Variants in SHANK2 observed in about 807,000 individuals in gnomAD.
SHANK2 encodes SH3 and multiple ankyrin repeat domains 2.
A neutral mutation model predicts 133.7 loss-of-function variants in SHANK2; 43 were observed. That is an observed-to-expected ratio of 0.32 (90% CI 0.25 to 0.41). The LOEUF (loss-of-function observed/expected upper bound fraction) is 0.41. SHANK2 is among the 10% of genes least tolerant of loss of function. The probability of loss-of-function intolerance (pLI) is 1.00; values close to 1 mark genes in which losing one functional copy is unlikely to be tolerated. For synonymous variants in SHANK2, 1,017 were observed against 952.8 expected (o/e 1.07, Z -1.24); for missense variants, 1,994 against 2,235.8 (o/e 0.89, Z 2.18).
At chr11:70,474,371 C>T (rs1555149649) in intron 25 of SHANK2, 5 of 152,280 alleles carry the variant, frequency 3.3e-5, no homozygotes, top group Non-Finnish European at 1.5e-5. Context: ...GCAAAGCCCT[C>T]AGAGCTCAAG....
At chr11:70,714,611 G>A (rs960787871) in intron 14 of SHANK2, among the ~76,000 whole-genome samples, 3 of 152,080 alleles carry the variant, frequency 2.0e-5, no homozygotes, top group African/African-American at 4.8e-5. Flanking sequence ...GAGAGGACTC[G>A]ACCCAGGAGA....
chr11:71,168,209 CCCA>C (rs1203513484), intron 2 of SHANK2, among the ~76,000 whole-genome samples: 1 of 134,396 alleles, frequency 7.4e-6, no homozygotes, highest in African/African-American at 3.0e-5. Flanking sequence ...AGAGGTGCTC[CCCA>C]CATCTCAGAC....
intron 10 of SHANK2, among the ~76,000 whole-genome samples, chr11:70,914,492 C>T (rs542514270): frequency 6.6e-6 from 1 of 151,772 alleles, no homozygotes; most frequent in South Asian, 2.1e-4. Context: ...AAAAACACAA[C>T]GCCCTTGCAA....
At chr11:70,740,698 A>G (rs1946504992) in intron 14 of SHANK2, among the ~76,000 whole-genome samples, 2 of 152,106 alleles carry the variant, frequency 1.3e-5, no homozygotes, top group Admixed American at 1.3e-4. Context: ...AAGCAGTTTA[A>G]CTGGGAGTGC....
intron 17 of SHANK2, among the ~76,000 whole-genome samples, chr11:70,656,094 C>T (rs1171546175): frequency 6.6e-6 from 1 of 152,220 alleles, no homozygotes; most frequent in Admixed American, 6.5e-5. Flanking sequence ...CCACATCCTC[C>T]TTAGCACATG....
chr11:70,594,806 G>A (rs890950436), intron 17 of SHANK2, among the ~76,000 whole-genome samples: 7 of 152,168 alleles, frequency 4.6e-5, no homozygotes, highest in Admixed American at 2.6e-4. Flanking sequence ...CAGTGGCTGC[G>A]TCTGCCCTTT....
At chr11:70,876,104 C>G (rs1458108738) in intron 11 of SHANK2, among the ~76,000 whole-genome samples, 1 of 150,524 alleles carries the variant, frequency 6.6e-6, no homozygotes, top group Non-Finnish European at 1.5e-5. Flanking sequence ...TGCAGTGAGC[C>G]GAGATCACAC....
At chr11:70,848,785 C>G (rs529710731) in intron 11 of SHANK2, among the ~76,000 whole-genome samples, 2 of 152,316 alleles carry the variant, frequency 1.3e-5, no homozygotes, top group Admixed American at 1.3e-4. Context: ...AAGCCACCCT[C>G]AACTGTGCAG....
intron 15 of SHANK2, among the ~76,000 whole-genome samples, chr11:70,682,692 C>T (rs782549321): frequency 3.9e-5 from 6 of 152,104 alleles, no homozygotes; most frequent in African/African-American, 1.2e-4. Context: ...AGGAAGTTTC[C>T]GGTTTGCCCA....
At chr11:71,160,218 G>A (rs1952986506) in intron 2 of SHANK2, among the ~76,000 whole-genome samples, 1 of 152,208 alleles carries the variant, frequency 6.6e-6, no homozygotes, top group African/African-American at 2.4e-5. Context: ...GGAAGGGAAT[G>A]CAAAGTGGGA....
intron 17 of SHANK2, among the ~76,000 whole-genome samples, chr11:70,558,501 A>T (rs880001877): frequency 6.6e-6 from 1 of 152,218 alleles, no homozygotes; most frequent in Non-Finnish European, 1.5e-5. Context: ...CCAAGCCTGG[A>T]TCTGCCAGCT....
rs530927596 is a variant in SHANK2, at chr11:70,797,645, G to C, written c.1777+798C>G. Among the ~76,000 whole-genome samples the C allele has an allele frequency of 2.0e-5, 3 of 152,200 alleles. No individual in the cohort carries two copies. In the South Asian group the frequency reaches 6.2e-4, roughly 31 times the overall value. On this transcript the variant is annotated intron_variant, in intron 14 of 25. Transcript: ENST00000601538. ...ACCTCAAAAACAGGGCAATGGGCCC[G>C]TTTGGACAGAGCTCAGAGGCGGCAG...
chr11:71,124,902 A>G (rs1317332497), intron 3 of SHANK2, among the ~76,000 whole-genome samples: 7 of 152,344 alleles, frequency 4.6e-5, no homozygotes, highest in African/African-American at 1.7e-4. Context: ...CGCTCACTTC[A>G]TATCTCTGTG....
intron 2 of SHANK2, among the ~76,000 whole-genome samples, chr11:71,216,872 T>C (rs961417619): frequency 6.6e-6 from 1 of 152,220 alleles, no homozygotes; most frequent in Non-Finnish European, 1.5e-5. Context: ...GCATTTACTA[T>C]ATTTTTTAGA....
chr11:71,130,228 G>A (rs1444352349), intron 3 of SHANK2, among the ~76,000 whole-genome samples: 1 of 152,218 alleles, frequency 6.6e-6, no homozygotes, highest in African/African-American at 2.4e-5. Flanking sequence ...GAATGACCAT[G>A]GGGCGAGTCT....
intron 17 of SHANK2, among the ~76,000 whole-genome samples, chr11:70,518,970 C>T (rs2059298356): frequency 3.9e-5 from 6 of 152,210 alleles, no homozygotes; most frequent in Admixed American, 3.3e-4. Context: ...AGTGCAGCGG[C>T]ATGATCTTAG....
chr11:70,645,198 GA>G lies in SHANK2; in HGVS notation c.2061+14629del, dbSNP rs1347315323. Among the ~76,000 whole-genome samples, 4 of 152,282 alleles carry G rather than the reference GA, an allele frequency of 2.6e-5. No homozygotes were observed. The South Asian group carries it at 8.3e-4, about 32-fold the overall frequency. Reference sequence around the variant, plus strand: ...TGCACTCCAGCCTGAGCAACAGTGAGATTCTGTCTCAAAACAAAAACAAAAA... The same window carrying G: ...TGCACTCCAGCCTGAGCAACAGTGAGTTCTGTCTCAAAACAAAAACAAAAA... On this transcript the variant is annotated intron_variant, in intron 17 of 25. Coordinates refer to ENST00000601538, the MANE Select transcript of SHANK2 (RefSeq NM_012309.5).
At chr11:70,560,034 G>A (rs2059887109) in intron 17 of SHANK2, among the ~76,000 whole-genome samples, 1 of 152,038 alleles carries the variant, frequency 6.6e-6, no homozygotes, top group Admixed American at 6.6e-5. Context: ...ACCACGCCAA[G>A]CTAATTTTTG....
intron 1 of SHANK2, among the ~76,000 whole-genome samples, chr11:71,226,964 T>C (rs896486619): frequency 6.6e-6 from 1 of 152,056 alleles, no homozygotes. Context: ...ATTTAACAAG[T>C]ATAAATGGAG....
Sources: gnomAD v4.1 joint callset for allele counts (sites outside exome capture counted in the v4.1 genomes callset) on GRCh38, gnomAD v4.1.1 for gene constraint, MANE v1.5 for transcripts, NCBI Gene and HGNC (gene_info 2026-07-23, HGNC 2026-07-21) for gene names.